Variants in KCNIP2 observed in about 807,000 individuals in gnomAD.
KCNIP2 encodes A-type potassium channel modulatory protein KCNIP2.
KCNIP2 carries 19 observed loss-of-function variants against 39.0 expected under a neutral mutation model. The observed-to-expected ratio is 0.49, with a 90% CI of 0.34 to 0.71. KCNIP2 has a LOEUF of 0.71. Ranked by LOEUF, KCNIP2 falls within the 30% of genes least tolerant of loss-of-function variation. The pLI is 0.01. For synonymous variants in KCNIP2, 111 were observed against 131.2 expected (o/e 0.85, Z 1.05); for missense variants, 261 against 346.0 (o/e 0.75, Z 1.95).
rs2066403784 is a variant in KCNIP2 at position 101,843,776 on chromosome 10, G to A, written c.-208C>T. 2.7e-6 allele frequency: 1 copy of A among 371,282 alleles called. No individual in the cohort carries two copies. Among genetic ancestry groups the A allele is most frequent in the Non-Finnish European group, 4.8e-6 (1 of 208,394 alleles). 23.0% of individuals were successfully genotyped at this position (371,282 alleles called of 1,614,324 possible). ...AGGGAACACTAGGCAGCAGGTGAGCGCAGAGCCGGAGGCAGAGCGGAGCTG... is the reference window on the plus strand; with the variant it reads ...AGGGAACACTAGGCAGCAGGTGAGCACAGAGCCGGAGGCAGAGCGGAGCTG... On this transcript the variant is annotated 5_prime_UTR_variant, in exon 1 of 10. Coordinates refer to ENST00000356640, the MANE Select transcript of KCNIP2 (RefSeq NM_173191.3). This position sits in a 1 kb window ranked among gnomAD's most constrained non-coding sequence, Gnocchi z 6.7.
rs3837343 is a variant in KCNIP2, at chr10:101,830,769, TAC to T, written c.169+301_169+302del. 1.4e-4 allele frequency among the ~76,000 whole-genome samples: 17 copies of T among 120,068 alleles called. 1 individual carries two copies. Among genetic ancestry groups the T allele is most frequent in the African/African-American group, 2.8e-4 (9 of 31,584 alleles). 78.8% of individuals were successfully genotyped at this position (120,068 alleles called of 152,430 possible). The stretch of plus-strand genomic sequence containing the variant: ...CGCAGGCGTGCGGCACGCCTCCCCA[TAC>T]ACACACACACGCGCGCGGGCCTGGG... On this transcript the variant is annotated intron_variant, in intron 2 of 9. Coordinates refer to ENST00000356640, the MANE Select transcript of KCNIP2 (RefSeq NM_173191.3).
At chr10:101,839,090 G>T (rs1402547960) in intron 1 of KCNIP2, among the ~76,000 whole-genome samples, 1 of 152,060 alleles carries the variant, frequency 6.6e-6, no homozygotes, top group African/African-American at 2.4e-5. Context: ...AGAACTCCAG[G>T]TACACACAGT....
intron 2 of KCNIP2, among the ~76,000 whole-genome samples, chr10:101,830,649 G>T (rs894039332): frequency 6.6e-6 from 1 of 151,516 alleles, no homozygotes; most frequent in African/African-American, 2.4e-5. Context: ...CTCCAGCCTT[G>T]CCAGCACCCG....
At position 101,827,260 on chromosome 10, in the gene KCNIP2, T is replaced by G; in HGVS notation, c.*93A>C. The G allele has an allele frequency of 1.4e-6, 2 of 1,436,446 alleles. No homozygotes were observed. The highest frequency in any genetic ancestry group is 9.2e-7 in the Non-Finnish European group (1 of 1,089,536). The allele number at this position is 1,436,446 out of a possible 1,614,324, so 89.0% of individuals were successfully genotyped here. On this transcript the variant is annotated 3_prime_UTR_variant, in exon 10 of 10. Coordinates refer to ENST00000356640, the MANE Select transcript of KCNIP2 (RefSeq NM_173191.3). The stretch of plus-strand genomic sequence containing the variant: ...CTCCAGCCCCCAGGGAGGCGTAGGA[T>G]GAGGATAGACCTGGGAAGAGAAGGG...
At position 101,838,217 on chromosome 10, in the gene KCNIP2, G is replaced by A. The variant is rs1047295697; in HGVS notation, c.73+5279C>T. Among the ~76,000 whole-genome samples, 3 of 152,232 alleles carry A rather than the reference G, an allele frequency of 2.0e-5. No individual in the cohort carries two copies. The highest frequency in any genetic ancestry group is 3.2e-3 in the Middle Eastern group (1 of 316). On this transcript the variant is annotated intron_variant, in intron 1 of 9. Coordinates refer to ENST00000356640, the MANE Select transcript of KCNIP2 (RefSeq NM_173191.3). This position sits in a 1 kb window ranked among gnomAD's most constrained non-coding sequence, Gnocchi z 4.0. ...CTTCACTCAAAGTAAAATCTCTGTG[G>A]AAGCAATTTGGCAGAGTGGGAACTC...
chr10:101,840,155 T>C (rs938412739), intron 1 of KCNIP2, among the ~76,000 whole-genome samples: 9 of 150,986 alleles, frequency 6.0e-5, no homozygotes, highest in African/African-American at 2.0e-4. Flanking sequence ...CACATGTGGG[T>C]TTTGAGAAAA....
chr10:101,834,009 C>G (rs183233855), intron 1 of KCNIP2, among the ~76,000 whole-genome samples: 1 of 152,112 alleles, frequency 6.6e-6, no homozygotes, highest in East Asian at 1.9e-4. Context: ...TCCTCCCACA[C>G]TGCACCCCTC....
At chr10:101,829,535 G>A in intron 3 of KCNIP2, 2 of 484,012 alleles carry the variant, frequency 4.1e-6, no homozygotes, top group Non-Finnish European at 7.3e-6. Flanking sequence ...CAGTTCAAGA[G>A]GGGGCGTCTG....
rs552866136 is a variant in KCNIP2 at position 101,842,405 on chromosome 10, A to G, written c.73+1091T>C. Among the ~76,000 whole-genome samples, 16 of 152,374 alleles carry G rather than the reference A, an allele frequency of 1.1e-4. No individual in the cohort carries two copies. In the South Asian group the frequency reaches 3.3e-3, roughly 32 times the overall value. ...CAGCCAAGTGGTTTGGTGGACATGC[A>G]GGACACCACATGGCACTTCCCAGGC... On this transcript the variant is annotated intron_variant, in intron 1 of 9. Coordinates refer to ENST00000356640, the MANE Select transcript of KCNIP2 (RefSeq NM_173191.3).
In KCNIP2 at chr10:101,828,900, G is replaced by T; in HGVS notation, c.348+175C>A. The stretch of plus-strand genomic sequence containing the variant: ...ATGGAACGAAACTGACAGTCTACAG[G>T]CGCCACTTCCGTTCTGGCCCCGCCC... On this transcript the variant is annotated intron_variant, in intron 4 of 9. Transcript: ENST00000356640. This position sits in a 1 kb window ranked among gnomAD's most constrained non-coding sequence, Gnocchi z 6.6. 6.5e-7 allele frequency: 1 copy of T among 1,529,792 alleles called. No homozygotes were observed. 94.8% of individuals were successfully genotyped at this position (1,529,792 alleles called of 1,614,324 possible).
intron 3 of KCNIP2, 120 bp from the exon 4 acceptor site, chr10:101,829,319 GC>G: frequency 7.6e-7 from 1 of 1,310,662 alleles, no homozygotes; most frequent in Non-Finnish European, 1.0e-6. Context: ...AGACCAGGCT[GC>G]CAGTTCCCTG....
chr10:101,843,648 C>A lies in KCNIP2; in HGVS notation c.-80G>T. 1.3e-6 allele frequency: 1 copy of A among 764,928 alleles called. No homozygotes were observed. The highest frequency in any genetic ancestry group is 2.0e-6 in the Non-Finnish European group (1 of 508,878). 47.4% of individuals were successfully genotyped at this position (764,928 alleles called of 1,614,324 possible). ...GGATAGGGCGCTCACACGGCGCCCC[C>A]TGGCGGCCTACTGTGCTGTCGGGGC... is the stretch of plus-strand genomic sequence containing the variant. On this transcript the variant is annotated 5_prime_UTR_variant, in exon 1 of 10. In the 5' UTR this introduces an upstream ATG that the reference lacks. Transcript: ENST00000356640. The surrounding 1 kb of genome is among the most constrained non-coding windows in gnomAD (Gnocchi z 6.7).
intron 1 of KCNIP2, chr10:101,839,711 T>A: frequency 6.3e-7 from 1 of 1,595,556 alleles, no homozygotes; most frequent in Non-Finnish European, 8.6e-7. Flanking sequence ...CTTCGCTCAC[T>A]TTTTGAAGGA....
chr10:101,828,407 A>G lies in KCNIP2; in HGVS notation c.471T>C (p.Asp157=), dbSNP rs769948374. ...FLFNAFDTNH[D]GSVSFEDFVA... ...AGCTCACCTCAAAACTGACCGAGCC[A>G]TCATGGTTGGTGTCAAAGGCATTGA... Residue 157 remains aspartate, a synonymous_variant, in exon 6 of 10, where the codon GAT becomes GAC. Coordinates refer to ENST00000356640, the MANE Select transcript of KCNIP2 (RefSeq NM_173191.3). The surrounding 1 kb of genome is among the most constrained non-coding windows in gnomAD (Gnocchi z 6.6). 2 of 1,614,038 alleles carry G rather than the reference A, an allele frequency of 1.2e-6. No individual in the cohort carries two copies. Among genetic ancestry groups the G allele is most frequent in the East Asian group, 2.2e-5 (1 of 44,894 alleles).
In KCNIP2 at chr10:101,843,472, G is replaced by T; in HGVS notation, c.73+24C>A. The stretch of plus-strand genomic sequence containing the variant: ...AGGAATGGAATCCACCCTCCCTCCC[G>T]CGACCCCCACGTCACTGACTCACCC... On this transcript the variant is annotated intron_variant, in intron 1 of 9. Transcript: ENST00000356640. The surrounding 1 kb of genome is among the most constrained non-coding windows in gnomAD (Gnocchi z 6.7). The T allele has an allele frequency of 6.7e-7, 1 of 1,494,232 alleles. No individual in the cohort carries two copies. Among genetic ancestry groups the T allele is most frequent in the South Asian group, 1.3e-5 (1 of 78,016 alleles). The allele number at this position is 1,494,232 out of a possible 1,614,324, so 92.6% of individuals were successfully genotyped here. A position where few individuals can be genotyped will look rare whatever the true frequency, so the allele number is the denominator to read the frequency against.
chr10:101,839,793 C>T (rs2066267376), intron 1 of KCNIP2: 2 of 1,611,408 alleles, frequency 1.2e-6, no homozygotes, highest in South Asian at 1.1e-5. Context: ...AGAGGGATCG[C>T]GCTGCCTGCC....
At chr10:101,834,999 A>G (rs186721485) in intron 1 of KCNIP2, among the ~76,000 whole-genome samples, 68 of 152,202 alleles carry the variant, frequency 4.5e-4, no homozygotes, top group Middle Eastern at 6.8e-3. Context: ...TCTTGCGTAT[A>G]TGGGTATGTG....
intron 1 of KCNIP2, chr10:101,839,829 G>C (rs2066269761): frequency 6.2e-7 from 1 of 1,609,154 alleles, no homozygotes; most frequent in Admixed American, 1.7e-5. Context: ...ACCTGCGGGG[G>C]CATCGGTTCA....
Position 101,827,955 on chromosome 10 carries a change from C to T in KCNIP2, c.636G>A (p.Met212Ile), listed in dbSNP as rs745716009. 6.2e-7 allele frequency: 1 copy of T among 1,614,074 alleles called. No homozygotes were observed. The highest frequency in any genetic ancestry group is 1.1e-5 in the South Asian group (1 of 91,068). The change falls in exon 8 of 10, where the codon ATG becomes ATA. Residue 212 changes from methionine to isoleucine, a missense_variant. Physicochemically the swap from Met to Ile is conservative, Grantham distance 10. Transcript: ENST00000356640. ...LDIMKSIYDM[M>I]GKYTYPALRE... is the part of the protein sequence containing the mutation. ...GGAGTGCAGGGTACGTGTACTTGCC[C>T]ATCATGTCATAGATGGACTTCATGA...
Sources: gnomAD v4.1 joint callset for allele counts (sites outside exome capture counted in the v4.1 genomes callset) on GRCh38, gnomAD v4.1.1 for gene constraint, Gnocchi (gnomAD v3.1) non-coding constraint, MANE v1.5 for transcripts, NCBI Gene and HGNC (gene_info 2026-07-23, HGNC 2026-07-21) for gene names.